The following TTC27 variants were observed in gnomAD, a reference collection of about 807,000 sequenced individuals.
TTC27 encodes tetratricopeptide repeat domain 27.
Under a neutral mutation model 115.9 loss-of-function variants are expected in TTC27, and 79 were observed. The ratio of observed to expected loss-of-function variants is 0.68; its 90% CI spans 0.57 to 0.82. The LOEUF is 0.82. Among genes scored for constraint, TTC27 ranks in the 40% least tolerant of loss-of-function variants. The pLI is 0.00. For synonymous variants in TTC27, 401 were observed against 356.0 expected (o/e 1.13, Z -1.42); for missense variants, 1,054 against 993.1 (o/e 1.06, Z -0.82).
At chr2:32,776,417 A>G (rs1272220484) in intron 13 of TTC27, among the ~76,000 whole-genome samples, 1 of 152,010 alleles carries the variant, frequency 6.6e-6, no homozygotes, top group South Asian at 2.1e-4. Context: ...AGAGTACCTC[A>G]TTTTCTTTCC....
rs1422843677 is a variant in TTC27 at position 32,804,024 on chromosome 2, AG to A, written c.1999-6999del. 4.6e-5 allele frequency among the ~76,000 whole-genome samples: 7 copies of A among 151,788 alleles called. No homozygotes were observed. In the South Asian group the frequency reaches 1.0e-3, roughly 23 times the overall value. Reference sequence around the variant, plus strand: ...TCCATCTCAATTAAAAAAAAAAAAAAGAAAAAAATGCAAATTTCTTAGAAAG... The same window carrying A: ...TCCATCTCAATTAAAAAAAAAAAAAAAAAAAAATGCAAATTTCTTAGAAAG... On this transcript the variant is annotated intron_variant, in intron 16 of 19. Coordinates refer to ENST00000317907, the MANE Select transcript of TTC27 (RefSeq NM_017735.5).
chr2:32,656,973 T>C (rs937432353), intron 5 of TTC27, among the ~76,000 whole-genome samples: 2 of 151,254 alleles, frequency 1.3e-5, no homozygotes, highest in Non-Finnish European at 2.9e-5. Flanking sequence ...TGCAGTAAGA[T>C]CTAGCACAAT....
intron 12 of TTC27, among the ~76,000 whole-genome samples, chr2:32,755,389 C>T (rs1238939932): frequency 1.3e-5 from 2 of 152,144 alleles, no homozygotes; most frequent in East Asian, 1.9e-4. Context: ...GAGACCAGCC[C>T]GGCCAACACA....
intron 7 of TTC27, among the ~76,000 whole-genome samples, chr2:32,667,791 T>C (rs1480112714): frequency 6.7e-6 from 1 of 148,858 alleles, no homozygotes; most frequent in Non-Finnish European, 1.5e-5. Flanking sequence ...TGGTGGCTCA[T>C]GCCTGTAATC....
chr2:32,815,260 G>A (rs1207635636), intron 18 of TTC27, among the ~76,000 whole-genome samples: 7 of 56,988 alleles, frequency 1.2e-4, no homozygotes, highest in Non-Finnish European at 1.9e-4. Context: ...TTTTTGAGAC[G>A]GAGTCTTGCT....
intron 3 of TTC27, among the ~76,000 whole-genome samples, chr2:32,637,476 C>T (rs1290999236): frequency 3.3e-5 from 5 of 151,932 alleles, no homozygotes; most frequent in African/African-American, 7.3e-5. Flanking sequence ...GGACTACAGG[C>T]GCCCGCCACC....
intron 10 of TTC27, among the ~76,000 whole-genome samples, chr2:32,724,355 T>C (rs1572550729): frequency 6.6e-6 from 1 of 152,138 alleles, no homozygotes; most frequent in African/African-American, 2.4e-5. Flanking sequence ...GTGTTGATAT[T>C]TGCATATTGG....
intron 7 of TTC27, among the ~76,000 whole-genome samples, chr2:32,670,852 C>G (rs1286981595): frequency 6.6e-6 from 1 of 151,368 alleles, no homozygotes. Context: ...CTCCTGACCT[C>G]AAGTGATCCA....
chr2:32,692,394 A>AGAAC (rs1172084154), intron 9 of TTC27, among the ~76,000 whole-genome samples: 2 of 152,134 alleles, frequency 1.3e-5, no homozygotes, highest in East Asian at 3.8e-4. Context: ...ACCAAAAAGC[A>AGAAC]GAACGGGTTG....
chr2:32,764,879 T>G (rs1669571559), intron 13 of TTC27, among the ~76,000 whole-genome samples: 1 of 152,252 alleles, frequency 6.6e-6, no homozygotes, highest in Non-Finnish European at 1.5e-5. Context: ...TCTTCAAGTT[T>G]TATCATGAGA....
At chr2:32,640,994 A>AAAC (rs994331105) in intron 4 of TTC27, among the ~76,000 whole-genome samples, 4 of 152,172 alleles carry the variant, frequency 2.6e-5, no homozygotes, top group South Asian at 2.1e-4. Context: ...AAACAAAACA[A>AAAC]AACAACAACA....
At chr2:32,664,568 A>C in intron 6 of TTC27, 101 bp downstream of exon 6, 1 of 1,025,028 alleles carries the variant, frequency 9.8e-7, no homozygotes, top group Non-Finnish European at 1.4e-6. Flanking sequence ...TCTATATCCT[A>C]TTTGCTTTAC....
At chr2:32,788,969 A>G (rs1670439859) in intron 16 of TTC27, among the ~76,000 whole-genome samples, 1 of 152,108 alleles carries the variant, frequency 6.6e-6, no homozygotes, top group South Asian at 2.1e-4. Flanking sequence ...AAACTATCCT[A>G]AGCACTTCAC....
intron 12 of TTC27, among the ~76,000 whole-genome samples, chr2:32,743,144 C>T (rs1034270721): frequency 1.3e-4 from 20 of 152,056 alleles, no homozygotes; most frequent in African/African-American, 4.8e-4. Flanking sequence ...TGTTGGTCTG[C>T]CAATTTCCCT....
intron 13 of TTC27, among the ~76,000 whole-genome samples, chr2:32,758,868 T>C (rs879665481): frequency 6.6e-6 from 1 of 152,204 alleles, no homozygotes; most frequent in Non-Finnish European, 1.5e-5. Flanking sequence ...AGCATAGGAC[T>C]TTGCAAGTAT....
chr2:32,656,984 T>A (rs1412566098), intron 5 of TTC27, among the ~76,000 whole-genome samples: 2 of 143,966 alleles, frequency 1.4e-5, no homozygotes, highest in Non-Finnish European at 3.1e-5. Context: ...CTAGCACAAT[T>A]CTTTTTTTTT....
At chr2:32,779,458 A>G (rs951968973) in intron 14 of TTC27, among the ~76,000 whole-genome samples, 2 of 152,124 alleles carry the variant, frequency 1.3e-5, no homozygotes, top group Non-Finnish European at 2.9e-5. Flanking sequence ...GGAAATGTCT[A>G]TTCACATCCT....
intron 12 of TTC27, among the ~76,000 whole-genome samples, chr2:32,754,099 AAAAT>A (rs200187161): frequency 0.11 from 16,128 of 151,602 alleles, 966 homozygotes; most frequent in Middle Eastern, 0.24. Context: ...ATAAAAAATA[AAAAT>A]AAATAAAAAA....
At chr2:32,722,360 A>G (rs556132106) in intron 10 of TTC27, among the ~76,000 whole-genome samples, 1 of 152,310 alleles carries the variant, frequency 6.6e-6, no homozygotes, top group South Asian at 2.1e-4. Flanking sequence ...CTGTGGTTTT[A>G]TTTGTTGGAA....
Sources: gnomAD v4.1 joint callset for allele counts (sites outside exome capture counted in the v4.1 genomes callset) on GRCh38, gnomAD v4.1.1 for gene constraint, MANE v1.5 for transcripts, NCBI Gene and HGNC (gene_info 2026-07-23, HGNC 2026-07-21) for gene names.